The following GLB1L3 variants were observed in gnomAD, a reference collection of about 807,000 sequenced individuals.
GLB1L3 encodes the protein galactosidase beta 1 like 3.
Under a neutral mutation model 89.5 loss-of-function variants are expected in GLB1L3, and 89 were observed. That is an observed-to-expected ratio of 0.99 (90% CI 0.84 to 1.19). The LOEUF is 1.19. Among genes scored for constraint, GLB1L3 ranks in the 50% most tolerant of loss-of-function variants. The pLI is 0.00. For missense variants in GLB1L3, 812 were observed against 813.3 expected (o/e 1.00, Z 0.02); for synonymous variants, 314 against 312.3 (o/e 1.01, Z -0.06).
chr11:134,283,587 G>A (rs1012677964), intron 5 of GLB1L3, 150 bp from the exon 6 acceptor site: 36 of 567,514 alleles, frequency 6.3e-5, no homozygotes, highest in Non-Finnish European at 8.8e-5. Context: ...AGTCTCACGC[G>A]GCACAGATCT....
intron 3 of GLB1L3, among the ~76,000 whole-genome samples, chr11:134,278,136 G>A (rs1454133139): frequency 6.6e-6 from 1 of 152,142 alleles, no homozygotes; most frequent in Non-Finnish European, 1.5e-5. Context: ...GAATCTCAAG[G>A]GAGGAGGTTA....
chr11:134,319,264 T>A lies in GLB1L3; in HGVS notation c.*322T>A, dbSNP rs1385521720. The A allele has an allele frequency of 3.0e-5, 7 of 230,234 alleles. No homozygotes were observed. The East Asian group carries it at 4.8e-4, about 16-fold the overall frequency. The allele number at this position is 230,234 out of a possible 1,614,324, so 14.3% of individuals were successfully genotyped here. On this transcript the variant is annotated 3_prime_UTR_variant, in exon 20 of 20. Coordinates refer to ENST00000431683, the MANE Select transcript of GLB1L3 (RefSeq NM_001080407.3). Reference sequence around the variant, plus strand: ...CCACCACTCCCGGCCGTGAACATATTTTTTGGGTTGCTGGAGTTCATCTAT... The same window carrying A: ...CCACCACTCCCGGCCGTGAACATATATTTTGGGTTGCTGGAGTTCATCTAT...
intron 9 of GLB1L3, among the ~76,000 whole-genome samples, chr11:134,299,392 T>C (rs1941822658): frequency 6.6e-6 from 1 of 152,206 alleles, no homozygotes; most frequent in Non-Finnish European, 1.5e-5. Flanking sequence ...CTGCGCATCA[T>C]GCATAGGACA....
At chr11:134,313,196 C>T (rs1342293283) in intron 15 of GLB1L3, among the ~76,000 whole-genome samples, 200 bp from the exon 16 acceptor site, 1 of 152,188 alleles carries the variant, frequency 6.6e-6, no homozygotes, top group Admixed American at 6.5e-5. Flanking sequence ...CTCTGCCTTT[C>T]CTAGTAGGAT....
chr11:134,277,690 C>A lies in GLB1L3; in HGVS notation c.150-10C>A. ...CTTTCCACTTTCTTTCCCTCGCCCG[C>A]CCCCTCCAGGTTTAATTGGTCTCAT... On this transcript the variant is annotated splice_polypyrimidine_tract_variant and intron_variant, in intron 2 of 19. Coordinates refer to ENST00000431683, the MANE Select transcript of GLB1L3 (RefSeq NM_001080407.3). 5.6e-6 allele frequency: 9 copies of A among 1,598,208 alleles called. No homozygotes were observed. Among genetic ancestry groups the A allele is most frequent in the Non-Finnish European group, 7.7e-6 (9 of 1,171,820 alleles).
intron 11 of GLB1L3, 151 bp downstream of exon 11, chr11:134,309,914 T>G: frequency 1.2e-6 from 1 of 842,462 alleles, no homozygotes; most frequent in Non-Finnish European, 1.8e-6. Flanking sequence ...TCCTTCCTTC[T>G]GTATGTTCAT....
chr11:134,296,571 T>C (rs1591557557), intron 9 of GLB1L3, among the ~76,000 whole-genome samples: 1 of 146,462 alleles, frequency 6.8e-6, no homozygotes, highest in East Asian at 2.0e-4. Context: ...AAATCATCAT[T>C]CTCAGTAAAC....
rs1206325894 is a variant in GLB1L3 at position 134,309,684 on chromosome 11, GT to G, written c.1022del (p.Phe341SerfsTer10). Reference protein sequence around the residue: ...KYEISFNVYMFHGGTNFGFMN... With the variant: ...KYEISFNVYMXHGGTNFGFMN... ...ATGAGATCTCCTTCAATGTATATAT[GT>G]TCCATGGTGGAACCAACTTTGGTTT... is the stretch of plus-strand genomic sequence containing the variant. On this transcript the variant is annotated frameshift_variant, in exon 11 of 20. Coordinates refer to ENST00000431683, the MANE Select transcript of GLB1L3 (RefSeq NM_001080407.3). LOFTEE classifies it high-confidence loss of function. The G allele has an allele frequency of 6.2e-7, 1 of 1,612,822 alleles. No homozygotes were observed. The highest frequency in any genetic ancestry group is 8.5e-7 in the Non-Finnish European group (1 of 1,179,404).
downstream of GLB1L3, among the ~76,000 whole-genome samples, chr11:134,322,723 A>G (rs1943182136): frequency 6.6e-6 from 1 of 152,324 alleles, no homozygotes; most frequent in Non-Finnish European, 1.5e-5. Context: ...TTCAAGCTTC[A>G]TGGATGCTGT....
chr11:134,293,267 C>T, intron 9 of GLB1L3, 58 bp downstream of exon 9: 1 of 1,364,486 alleles, frequency 7.3e-7, no homozygotes, highest in Non-Finnish European at 1.0e-6. Flanking sequence ...CCTCCCTTGC[C>T]TATGTAGCTG....
At chr11:134,288,678 C>T (rs373438501) in intron 6 of GLB1L3, 120 bp from the exon 7 acceptor site, 2 of 655,868 alleles carry the variant, frequency 3.0e-6, no homozygotes, top group Admixed American at 2.9e-5. Flanking sequence ...GTGCAGACCA[C>T]AGGGGCCGTG....
chr11:134,319,597 G>C (rs1943126760), downstream of GLB1L3: 1 of 152,032 alleles, frequency 6.6e-6, no homozygotes, highest in South Asian at 2.1e-4. Context: ...GAAGGGAAGG[G>C]AAAGGTCTGA....
Position 134,300,589 on chromosome 11 carries a change from C to T in GLB1L3, c.877-6535C>T, listed in dbSNP as rs545322234. Among the ~76,000 whole-genome samples, 104 of 152,270 alleles carry T rather than the reference C, an allele frequency of 6.8e-4. 1 individual carries two copies. The highest frequency in any genetic ancestry group is 6.7e-3 in the Admixed American group (103 of 15,300). On this transcript the variant is annotated intron_variant, in intron 9 of 19. Transcript: ENST00000431683. ...GACCTCATGATCCGCCTGCCTCAGCCTCCCAAAGTGCTGGGATTACAGGCG... is the reference window on the plus strand; with the variant it reads ...GACCTCATGATCCGCCTGCCTCAGCTTCCCAAAGTGCTGGGATTACAGGCG...
In GLB1L3 at chr11:134,289,171, C is replaced by T. The variant is rs559843161; in HGVS notation, c.729+281C>T. ...GCAGGTTTTGTATATCTATTATATA[C>T]TGTATTCTTACAGCAAAGTAAGCTT... On this transcript the variant is annotated intron_variant, in intron 7 of 19. Coordinates refer to ENST00000431683, the MANE Select transcript of GLB1L3 (RefSeq NM_001080407.3). Among the ~76,000 whole-genome samples the T allele has an allele frequency of 5.9e-5, 9 of 152,226 alleles. No homozygotes were observed. The East Asian group carries it at 1.7e-3, about 29-fold the overall frequency.
Position 134,307,295 on chromosome 11 carries a change from C to G in GLB1L3, c.961+87C>G, listed in dbSNP as rs1430396009. The stretch of plus-strand genomic sequence containing the variant: ...TCATACAGTTCTCTGCTAATTGATT[C>G]ACTTGATCAGCCGTAGATATTCATG... On this transcript the variant is annotated intron_variant, in intron 10 of 19. Transcript: ENST00000431683. 9 of 963,248 alleles carry G rather than the reference C, an allele frequency of 9.3e-6. No homozygotes were observed. In the African/African-American group the frequency reaches 1.3e-4, roughly 14 times the overall value. 59.7% of individuals were successfully genotyped at this position (963,248 alleles called of 1,614,324 possible).
At position 134,314,403 on chromosome 11, in the gene GLB1L3, G is replaced by T. The variant is rs374573433; in HGVS notation, c.1741G>T (p.Ala581Ser). The T allele has an allele frequency of 9.7e-6, 15 of 1,551,552 alleles. No individual in the cohort carries two copies. In the African/African-American group the frequency reaches 1.9e-4, roughly 20 times the overall value. The change falls in exon 18 of 20, where the codon GCT (alanine) becomes TCT (serine). Residue 581 changes from alanine (A) to serine (S), a missense_variant. Physicochemically the swap from Ala to Ser is moderately conservative, Grantham distance 99. Transcript: ENST00000431683. Reference sequence around the variant, plus strand: ...GGCCTTCTACTGTGGGACCTTGAAGGCTGGCCCTTCTCCCAAGGACACCTT... The same window carrying T: ...GGCCTTCTACTGTGGGACCTTGAAGTCTGGCCCTTCTCCCAAGGACACCTT... ...GPAFYCGTLK[A>S]GPSPKDTFLS...
Position 134,312,854 on chromosome 11 carries a change from GAAT to G in GLB1L3, c.1473_1475del (p.Asn491del), listed in dbSNP as rs1441776805. On this transcript the variant is annotated inframe_deletion, in exon 15 of 20. Transcript: ENST00000431683. ...AGACAATGATAGGGATTCTGAATGA[GAAT>G]AATAAGGACCTGCACATTCCTGAAC... 1.2e-6 allele frequency: 2 copies of G among 1,611,854 alleles called. No homozygotes were observed. The highest frequency in any genetic ancestry group is 1.7e-6 in the Non-Finnish European group (2 of 1,178,820).
rs147639101 is a variant in GLB1L3 at position 134,277,078 on chromosome 11, G to A, written c.24-248G>A. The A allele has an allele frequency of 3.5e-3, 2,059 of 588,382 alleles. 32 individuals carry two copies. Among genetic ancestry groups the A allele is most frequent in the African/African-American group, 0.035 (1,847 of 53,346 alleles). The allele number at this position is 588,382 out of a possible 1,614,324, so 36.4% of individuals were successfully genotyped here. A position where few individuals can be genotyped will look rare whatever the true frequency, so the allele number is the denominator to read the frequency against. On this transcript the variant is annotated intron_variant, in intron 1 of 19. Transcript: ENST00000431683. Reference sequence around the variant, plus strand: ...CCTCCGCCTCTCCCAGGCACCCACCGGCACTGCCCAGCCCTGTCTGGAGGG... The same window carrying A: ...CCTCCGCCTCTCCCAGGCACCCACCAGCACTGCCCAGCCCTGTCTGGAGGG...
chr11:134,290,579 C>CT lies in GLB1L3; in HGVS notation c.730-1553_730-1552insT, dbSNP rs143545857. 6.2e-4 allele frequency among the ~76,000 whole-genome samples: 73 copies of CT among 117,134 alleles called. 2 individuals are homozygous for CT. Among genetic ancestry groups the CT allele is most frequent in the East Asian group, 1.4e-3 (6 of 4,172 alleles). The allele number at this position is 117,134 out of a possible 152,430, so 76.8% of individuals were successfully genotyped here. On this transcript the variant is annotated intron_variant, in intron 7 of 19. Coordinates refer to ENST00000431683, the MANE Select transcript of GLB1L3 (RefSeq NM_001080407.3). The stretch of plus-strand genomic sequence containing the variant: ...CAGAGTGAGACTCGTCCCCCCCCGC[C>CT]AAAAAAAAAGAAAAGAAAAAAAAAG...
Sources: allele counts gnomAD v4.1 joint callset (sites outside exome capture counted in the v4.1 genomes callset), GRCh38; gene constraint gnomAD v4.1.1; transcripts MANE v1.5; gene names NCBI Gene and HGNC (gene_info 2026-07-23, HGNC 2026-07-21).